The following NDUFA9 variants were observed in gnomAD, a reference collection of about 807,000 sequenced individuals.
The protein encoded by NDUFA9 is NADH:ubiquinone oxidoreductase subunit A9.
In NDUFA9, 23 loss-of-function variants were observed where a neutral mutation model predicts 45.9. That is an observed-to-expected ratio of 0.50 (90% CI 0.36 to 0.71). NDUFA9 has a LOEUF of 0.71. Ranked by LOEUF, NDUFA9 falls within the 30% of genes least tolerant of loss-of-function variation. The pLI is 0.00. For missense variants in NDUFA9, 466 were observed against 488.2 expected, an observed-to-expected ratio of 0.95 and a Z score of 0.43; for synonymous variants, 176 against 170.5, an observed-to-expected ratio of 1.03 and a Z score of -0.25.
intron 10 of NDUFA9, among the ~76,000 whole-genome samples, chr12:4,685,616 T>C (rs1014495505): frequency 6.6e-6 from 1 of 152,080 alleles, no homozygotes; most frequent in African/African-American, 2.4e-5. Flanking sequence ...CCCATCACTC[T>C]TCCAGCTACT....
At chr12:4,657,459 G>T (rs1203289864) in intron 3 of NDUFA9, 3 of 265,740 alleles carry the variant, frequency 1.1e-5, no homozygotes, top group East Asian at 1.8e-4. Flanking sequence ...TAGTTGGGTG[G>T]ACAAAAACTA....
rs1295998447 is a variant in NDUFA9 at position 4,691,672 on chromosome 12, G to A, written c.*4564G>A. 1.3e-5 allele frequency: 2 copies of A among 152,176 alleles called. No homozygotes were observed. Among genetic ancestry groups the A allele is most frequent in the Non-Finnish European group, 2.9e-5 (2 of 68,056 alleles). The allele number at this position is 152,176 out of a possible 1,614,324, so 9.4% of individuals were successfully genotyped here. A position where few individuals can be genotyped will look rare whatever the true frequency, so the allele number is the denominator to read the frequency against. Reference sequence around the variant, plus strand: ...AGATTCTTGTGAGAGAAGGAAAGGGGCTATTTACAATAGAGAAGAGACTAG... The same window carrying A: ...AGATTCTTGTGAGAGAAGGAAAGGGACTATTTACAATAGAGAAGAGACTAG... On this transcript the variant is annotated 3_prime_UTR_variant, in exon 11 of 11. Transcript: ENST00000266544.
chr12:4,657,697 G>A (rs763792162), intron 3 of NDUFA9, 51 bp from the exon 4 acceptor site: 2 of 1,347,492 alleles, frequency 1.5e-6, no homozygotes, highest in Admixed American at 3.4e-5. Flanking sequence ...GAAGTGTTGA[G>A]TGCTGAGGTA....
chr12:4,656,367 G>A (rs1945790934), intron 3 of NDUFA9, among the ~76,000 whole-genome samples: 1 of 152,180 alleles, frequency 6.6e-6, no homozygotes, highest in African/African-American at 2.4e-5. Context: ...TATTTAAAAA[G>A]TGATAGGTGA....
chr12:4,689,166 T>C lies in NDUFA9; in HGVS notation c.*2058T>C, dbSNP rs1056067475. 6.6e-6 allele frequency: 1 copy of C among 152,382 alleles called. No individual in the cohort carries two copies. The highest frequency in any genetic ancestry group is 1.5e-5 in the Non-Finnish European group (1 of 68,048). The allele number at this position is 152,382 out of a possible 1,614,324, so 9.4% of individuals were successfully genotyped here. A position where few individuals can be genotyped will look rare whatever the true frequency, so the allele number is the denominator to read the frequency against. On this transcript the variant is annotated 3_prime_UTR_variant, in exon 11 of 11. Coordinates refer to ENST00000266544, the MANE Select transcript of NDUFA9 (RefSeq NM_005002.5). ...ACAGTAGATTAGTATTAACTCTAGT[T>C]ACCCTACTGATCTATTGAACACCAG...
intron 8 of NDUFA9, among the ~76,000 whole-genome samples, chr12:4,674,669 G>T (rs998067037): frequency 6.6e-6 from 1 of 152,132 alleles, no homozygotes; most frequent in Admixed American, 6.5e-5. Flanking sequence ...GATTCAAAAA[G>T]CAAGTTCTTG....
At chr12:4,653,511 A>G (rs79927282) in intron 1 of NDUFA9, 163 of 392,468 alleles carry the variant, frequency 4.2e-4, no homozygotes, top group African/African-American at 3.3e-3. Context: ...GCATTGGTAC[A>G]TGAACTTTGA....
Position 4,649,151 on chromosome 12 carries a change from G to T in NDUFA9, c.25G>T (p.Val9Phe). 6.2e-7 allele frequency: 1 copy of T among 1,605,462 alleles called. No individual in the cohort carries two copies. The highest frequency in any genetic ancestry group is 1.1e-5 in the South Asian group (1 of 89,046). ...GATGGCGGCTGCCGCACAATCCCGG[G>T]TTGTCCGGGTCCTGTCAATGTCACG... MAAAAQSR[V>F]VRVLSMSRSA... is the part of the protein sequence containing the mutation. Residue 9 changes from valine to phenylalanine, a missense_variant, in exon 1 of 11, where the codon GTT becomes TTT. Coordinates refer to ENST00000266544, the MANE Select transcript of NDUFA9 (RefSeq NM_005002.5).
chr12:4,684,973 G>A, intron 9 of NDUFA9: 1 of 596,174 alleles, frequency 1.7e-6, no homozygotes, highest in Non-Finnish European at 3.0e-6. Flanking sequence ...TTTTCTGTTT[G>A]CTTTGTTGTT....
intron 3 of NDUFA9, 192 bp downstream of exon 3, chr12:4,655,114 A>G: frequency 1.9e-6 from 1 of 535,964 alleles, no homozygotes; most frequent in South Asian, 2.7e-5. Flanking sequence ...GGCAGTTGGC[A>G]AACTTTTTCT....
At chr12:4,677,970 A>C (rs1228346481) in intron 8 of NDUFA9, among the ~76,000 whole-genome samples, 1 of 152,236 alleles carries the variant, frequency 6.6e-6, no homozygotes, top group Non-Finnish European at 1.5e-5. Flanking sequence ...TATACAGAAA[A>C]GGATGAGTTC....
intron 2 of NDUFA9, 98 bp downstream of exon 2, chr12:4,654,560 A>T: frequency 1.5e-6 from 2 of 1,357,930 alleles, no homozygotes; most frequent in South Asian, 1.4e-5. Context: ...TAACAGTATT[A>T]TGAATTACTC....
chr12:4,653,667 A>G (rs1210690685), intron 1 of NDUFA9: 1 of 439,582 alleles, frequency 2.3e-6, no homozygotes, highest in South Asian at 1.6e-5. Flanking sequence ...GATGTTCTTC[A>G]GTGGTTTTAT....
In NDUFA9 at chr12:4,662,552, T is replaced by C; in HGVS notation, c.572T>C (p.Val191Ala). ...LRNKAVGEKV[V>A]RDAFPEAIIV... The stretch of plus-strand genomic sequence containing the variant: ...GTTTAGGCTGTTGGAGAGAAAGTAG[T>C]GAGAGATGCATTTCCGGAAGCCATT... Residue 191 changes from valine to alanine, a missense_variant, in exon 6 of 11, where the codon GTG (valine) becomes GCG (alanine). Transcript: ENST00000266544. The C allele has an allele frequency of 6.2e-7, 1 of 1,613,878 alleles. No individual in the cohort carries two copies. The highest frequency in any genetic ancestry group is 8.5e-7 in the Non-Finnish European group (1 of 1,179,790).
chr12:4,682,677 T>C (rs1179645918), intron 9 of NDUFA9, among the ~76,000 whole-genome samples: 3 of 152,202 alleles, frequency 2.0e-5, no homozygotes, highest in East Asian at 3.9e-4. Flanking sequence ...GATCATGCTA[T>C]TGGGGAAAGG....
At chr12:4,649,475 T>A (rs1945741899) in intron 1 of NDUFA9, among the ~76,000 whole-genome samples, 1 of 151,748 alleles carries the variant, frequency 6.6e-6, no homozygotes, top group Non-Finnish European at 1.5e-5. Flanking sequence ...GTTGTAAGGG[T>A]TTAGGGTTAT....
intron 8 of NDUFA9, among the ~76,000 whole-genome samples, chr12:4,676,566 A>G (rs956296336): frequency 1.3e-5 from 2 of 152,222 alleles, no homozygotes; most frequent in Non-Finnish European, 2.9e-5. Context: ...AGAATAAAAT[A>G]TCTAGGAATC....
intron 6 of NDUFA9, among the ~76,000 whole-genome samples, chr12:4,663,374 A>G (rs1448624489): frequency 1.3e-5 from 2 of 152,184 alleles, no homozygotes; most frequent in African/African-American, 4.8e-5. Flanking sequence ...CCCCCTCATA[A>G]TTCGTATGTT....
chr12:4,658,204 G>A (rs1005562220), intron 4 of NDUFA9, among the ~76,000 whole-genome samples: 1 of 152,208 alleles, frequency 6.6e-6, no homozygotes, highest in Non-Finnish European at 1.5e-5. Context: ...TGTTCTAGAT[G>A]TCTTTTCTGC....
Sources: gnomAD v4.1 joint callset for allele counts (sites outside exome capture counted in the v4.1 genomes callset) on GRCh38, gnomAD v4.1.1 for gene constraint, MANE v1.5 for transcripts, NCBI Gene and HGNC (gene_info 2026-07-23, HGNC 2026-07-21) for gene names.